The following ENKUR variants were observed in gnomAD, a reference collection of about 807,000 sequenced individuals.
ENKUR encodes the protein enkurin.
In ENKUR, 19 loss-of-function variants were observed where a neutral mutation model predicts 27.6. That is an observed-to-expected ratio of 0.69 (90% CI 0.48 to 1.01). ENKUR has a LOEUF of 1.01. Among genes scored for constraint, ENKUR ranks in the 50% least tolerant of loss-of-function variants. The probability of loss-of-function intolerance (pLI) is 0.00; values close to 1 mark genes in which losing one functional copy is unlikely to be tolerated. For synonymous variants in ENKUR, 117 were observed against 96.9 expected, an observed-to-expected ratio of 1.21 and a Z score of -1.22; for missense variants, 312 against 310.5, an observed-to-expected ratio of 1.00 and a Z score of -0.04.
intron 2 of ENKUR, among the ~76,000 whole-genome samples, chr10:25,036,421 C>T (rs1232695159): frequency 6.6e-6 from 1 of 152,152 alleles, no homozygotes; most frequent in African/African-American, 2.4e-5. Flanking sequence ...AAAAATTACC[C>T]GATCTTGGGT....
At chr10:25,025,229 C>T in intron 2 of ENKUR, 1 of 1,614,178 alleles carries the variant, frequency 6.2e-7, no homozygotes, top group South Asian at 1.1e-5. Context: ...GCCCATTACT[C>T]AAAGTTTGCA....
intron 2 of ENKUR, among the ~76,000 whole-genome samples, chr10:25,049,898 T>C (rs1851166379): frequency 6.6e-6 from 1 of 152,018 alleles, no homozygotes; most frequent in South Asian, 2.1e-4. Context: ...TAGGAATACC[T>C]GAGGCTGGGT....
chr10:25,016,301 G>A, upstream of ENKUR: 1 of 435,168 alleles, frequency 2.3e-6, no homozygotes, highest in Non-Finnish European at 3.1e-6. Context: ...GCCTTTGAAA[G>A]TTAACGGGGT....
At chr10:24,989,319 C>T (rs770769243) in intron 4 of ENKUR, among the ~76,000 whole-genome samples, 2 of 152,148 alleles carry the variant, frequency 1.3e-5, no homozygotes, top group African/African-American at 2.4e-5. Context: ...TGAACATCTG[C>T]GTTTTCACTG....
intron 4 of ENKUR, 84 bp from the exon 5 acceptor site, chr10:24,984,989 T>C: frequency 9.6e-7 from 1 of 1,041,422 alleles, no homozygotes; most frequent in Non-Finnish European, 1.4e-6. Context: ...TAATGAAAAA[T>C]GTCAATAAGT....
chr10:25,042,047 T>C (rs1588682498), intron 2 of ENKUR, among the ~76,000 whole-genome samples: 1 of 152,118 alleles, frequency 6.6e-6, no homozygotes, highest in Non-Finnish European at 1.5e-5. Context: ...TCAAGGTTAA[T>C]TTTTCTAAGT....
At chr10:24,995,594 A>G in intron 3 of ENKUR, 52 bp downstream of exon 3, 2 of 1,442,896 alleles carry the variant, frequency 1.4e-6, no homozygotes, top group Non-Finnish European at 1.9e-6. Flanking sequence ...CATGAACACC[A>G]TATTTAAATT....
At chr10:25,015,808 C>T (rs1850555754) in intron 1 of ENKUR, 52 bp downstream of exon 1, 1 of 1,498,740 alleles carries the variant, frequency 6.7e-7, no homozygotes, top group Non-Finnish European at 9.0e-7. Flanking sequence ...TTAATTAATA[C>T]TGAGTATTCC....
At chr10:25,007,756 G>C (rs544526892) in intron 1 of ENKUR, among the ~76,000 whole-genome samples, 1 of 152,024 alleles carries the variant, frequency 6.6e-6, no homozygotes, top group East Asian at 1.9e-4. Context: ...CTGAATTATA[G>C]GCAGTAACTC....
intron 2 of ENKUR, among the ~76,000 whole-genome samples, chr10:25,053,485 C>G (rs1461537947): frequency 6.6e-6 from 1 of 152,190 alleles, no homozygotes; most frequent in Non-Finnish European, 1.5e-5. Context: ...TTCTACTCTG[C>G]TCCTAGGAGT....
intron 2 of ENKUR, 35 bp downstream of exon 2, chr10:24,999,366 T>C: frequency 6.4e-7 from 1 of 1,568,658 alleles, no homozygotes; most frequent in Non-Finnish European, 8.6e-7. Context: ...CTGCTAATGC[T>C]TTTAATATTA....
At chr10:25,056,153 C>T (rs543219734) in intron 2 of ENKUR, among the ~76,000 whole-genome samples, 1 of 152,320 alleles carries the variant, frequency 6.6e-6, no homozygotes, top group African/African-American at 2.4e-5. Context: ...TGAGTTCACC[C>T]TGTTAGTGAT....
intron 2 of ENKUR, among the ~76,000 whole-genome samples, chr10:25,049,926 G>A (rs1187851172): frequency 6.6e-6 from 1 of 152,156 alleles, no homozygotes; most frequent in South Asian, 2.1e-4. Context: ...AAGGAAAAGA[G>A]GTTTAATTGG....
At chr10:24,988,664 GTATATATA>G (rs66687937) in intron 4 of ENKUR, among the ~76,000 whole-genome samples, 24 of 98,866 alleles carry the variant, frequency 2.4e-4, no homozygotes, top group Non-Finnish European at 3.0e-4. Context: ...CACAGCATAT[GTATATATA>G]TATATATATA....
intron 4 of ENKUR, among the ~76,000 whole-genome samples, chr10:24,988,274 A>G (rs1240480180): frequency 7.1e-6 from 1 of 141,620 alleles, no homozygotes; most frequent in Non-Finnish European, 1.5e-5. Context: ...ATTTATATAT[A>G]TGTGTATATA....
intron 1 of ENKUR, among the ~76,000 whole-genome samples, chr10:25,004,384 A>C (rs1271606626): frequency 6.6e-6 from 1 of 151,856 alleles, no homozygotes; most frequent in Admixed American, 6.6e-5. Context: ...ACTAATTTAC[A>C]CTCCCATCAG....
At chr10:24,994,358 G>A (rs1177176567) in intron 3 of ENKUR, among the ~76,000 whole-genome samples, 3 of 127,744 alleles carry the variant, frequency 2.3e-5, no homozygotes, top group Admixed American at 9.0e-5. Context: ...TTTTGACACC[G>A]AGTCTCGCTC....
At chr10:25,007,579 C>T (rs1033876586) in intron 1 of ENKUR, among the ~76,000 whole-genome samples, 2 of 152,114 alleles carry the variant, frequency 1.3e-5, no homozygotes, top group Non-Finnish European at 1.5e-5. Flanking sequence ...GGACTACAGG[C>T]GCCCGCCACC....
chr10:25,032,112 T>C (rs767807400), intron 2 of ENKUR, among the ~76,000 whole-genome samples: 3 of 152,224 alleles, frequency 2.0e-5, no homozygotes, highest in Non-Finnish European at 4.4e-5. Context: ...TCCTCTCTTA[T>C]TCCCATTTAA....
Sources: gnomAD v4.1 joint callset for allele counts (sites outside exome capture counted in the v4.1 genomes callset) on GRCh38, gnomAD v4.1.1 for gene constraint, MANE v1.5 for transcripts, NCBI Gene and HGNC (gene_info 2026-07-23, HGNC 2026-07-21) for gene names.